The following NLRP9 variants were observed in gnomAD, a reference collection of about 807,000 sequenced individuals.
NLRP9 encodes the protein NLR family pyrin domain containing 9.
In NLRP9, 88 loss-of-function variants were observed where a neutral mutation model predicts 83.1. That is an observed-to-expected ratio of 1.06 (90% confidence interval 0.89 to 1.26). The LOEUF (loss-of-function observed/expected upper bound fraction) is 1.26. Ranked by LOEUF, NLRP9 falls within the 50% of genes most tolerant of loss-of-function variation. The pLI, the probability that NLRP9 is intolerant of heterozygous loss-of-function variation, is 0.00. For synonymous variants in NLRP9, 521 were observed against 447.6 expected (o/e 1.16, Z -2.07); for missense variants, 1,308 against 1,179.3 (o/e 1.11, Z -1.60).
In NLRP9 at chr19:55,711,782, G is replaced by T. The variant is rs766733209; in HGVS notation, c.2843+18C>A. The T allele has an allele frequency of 3.1e-6, 5 of 1,610,688 alleles. No individual in the cohort carries two copies. Among genetic ancestry groups the T allele is most frequent in the Non-Finnish European group, 4.2e-6 (5 of 1,178,120 alleles). Reference sequence around the variant, plus strand: ...CGTTCTGAAGTCACTCACCCCAAAGGAAACAGTGTCCACTCACCCCAGCAT... The same window carrying T: ...CGTTCTGAAGTCACTCACCCCAAAGTAAACAGTGTCCACTCACCCCAGCAT... On this transcript the variant is annotated intron_variant, in intron 8 of 8. Transcript: ENST00000332836.
At chr19:55,713,042 A>T (rs1393688706) in intron 6 of NLRP9, among the ~76,000 whole-genome samples, 1 of 148,398 alleles carries the variant, frequency 6.7e-6, no homozygotes, top group Non-Finnish European at 1.5e-5. Context: ...CTGCTCCAAC[A>T]CTTTGGGGTC....
At chr19:55,728,654 C>T (rs544626400) in intron 3 of NLRP9, among the ~76,000 whole-genome samples, 31 of 152,292 alleles carry the variant, frequency 2.0e-4, no homozygotes, top group African/African-American at 6.5e-4. Context: ...AGGCCTTTCT[C>T]GAGACAGCAG....
chr19:55,716,067 G>A (rs547647365), intron 5 of NLRP9, among the ~76,000 whole-genome samples: 1 of 152,024 alleles, frequency 6.6e-6, no homozygotes, highest in Admixed American at 6.6e-5. Context: ...AATACTTTTT[G>A]TTTTAAAAAT....
At chr19:55,716,970 A>C in intron 4 of NLRP9, 72 bp from the exon 5 acceptor site, 5 of 1,201,314 alleles carry the variant, frequency 4.2e-6, no homozygotes, top group Non-Finnish European at 2.4e-6. Context: ...CCACAGACCA[A>C]ACGACACCTC....
chr19:55,715,319 T>C, intron 5 of NLRP9, 94 bp from the exon 6 acceptor site: 1 of 1,048,748 alleles, frequency 9.5e-7, no homozygotes. Context: ...AAGCTTCCTA[T>C]GGTAATATTA....
At chr19:55,714,586 A>AT (rs34849666) in intron 6 of NLRP9, among the ~76,000 whole-genome samples, 14,532 of 147,952 alleles carry the variant, frequency 0.098, 860 homozygotes, top group Middle Eastern at 0.19. Context: ...CCTCATCTGG[A>AT]TTTTTTTTTT....
At chr19:55,728,304 C>T (rs184653148) in intron 3 of NLRP9, among the ~76,000 whole-genome samples, 13 of 152,228 alleles carry the variant, frequency 8.5e-5, no homozygotes, top group African/African-American at 2.4e-4. Flanking sequence ...AGGCCAGGTG[C>T]GGTGGCTCAC....
At chr19:55,737,816 T>C (rs1449609507) in intron 1 of NLRP9, among the ~76,000 whole-genome samples, 2 of 141,368 alleles carry the variant, frequency 1.4e-5, no homozygotes, top group Non-Finnish European at 3.0e-5. Context: ...ATGCAGACAC[T>C]AACTGGCCAC....
intron 1 of NLRP9, among the ~76,000 whole-genome samples, chr19:55,734,084 G>A (rs1364268948): frequency 6.6e-6 from 1 of 151,680 alleles, no homozygotes; most frequent in African/African-American, 2.4e-5. Flanking sequence ...CACTACGCAT[G>A]GTTAAGTTTT....
chr19:55,733,134 G>A lies in NLRP9; in HGVS notation c.697C>T (p.Leu233=). Residue 233 remains leucine, a synonymous_variant, in exon 2 of 9, where the codon CTG becomes TTG. Transcript: ENST00000332836. ...GCCTTAAGTTGTAAGTTAAACTTCA[G>A]TTGCTCAAAGCCATCCATGATGAAC... ...ILFIMDGFEQ[L]KFNLQLKADL... 2 of 1,614,156 alleles carry A rather than the reference G, an allele frequency of 1.2e-6. No individual in the cohort carries two copies. The highest frequency in any genetic ancestry group is 1.7e-6 in the Non-Finnish European group (2 of 1,180,032).
At chr19:55,728,938 A>T (rs1316885681) in intron 3 of NLRP9, among the ~76,000 whole-genome samples, 1 of 152,154 alleles carries the variant, frequency 6.6e-6, no homozygotes, top group Admixed American at 6.6e-5. Flanking sequence ...CATTATTTGT[A>T]TAAAAGTAAT....
intron 8 of NLRP9, among the ~76,000 whole-genome samples, chr19:55,710,032 A>G (rs778066906): frequency 1.3e-5 from 2 of 152,200 alleles, no homozygotes; most frequent in Non-Finnish European, 2.9e-5. Flanking sequence ...AATTTCGTAG[A>G]CATTTAGACA....
In NLRP9 at chr19:55,728,213, T is replaced by C. The variant is rs76505158; in HGVS notation, c.1994+1618A>G. Among the ~76,000 whole-genome samples, 18 of 152,276 alleles carry C rather than the reference T, an allele frequency of 1.2e-4. 1 individual carries two copies. The East Asian group carries it at 3.1e-3, about 26-fold the overall frequency. ...CATTCAGTATAAACCACAGTGCCGG[T>C]AGAATTTACGAACAGTGAACCATTC... On this transcript the variant is annotated intron_variant, in intron 3 of 8. Transcript: ENST00000332836.
Position 55,733,064 on chromosome 19 carries a change from A to G in NLRP9, c.767T>C (p.Ile256Thr). The G allele has an allele frequency of 2.5e-6, 4 of 1,614,010 alleles. No individual in the cohort carries two copies. Among genetic ancestry groups the G allele is most frequent in the Non-Finnish European group, 3.4e-6 (4 of 1,179,966 alleles). Residue 256 changes from isoleucine (I) to threonine (T), a missense_variant, in exon 2 of 9, where the codon ATC becomes ACC. Physicochemically the swap from Ile to Thr is moderately conservative, Grantham distance 89. Transcript: ENST00000332836. Reference protein sequence around the residue: ...DWRQRQPMPIILSSLLQKKML... With the variant: ...DWRQRQPMPITLSSLLQKKML... ...CTTTTTTTGCAACAAACTGCTCAGG[A>G]TAATTGGCATTGGCTGCCGCTGCCT...
At position 55,732,805 on chromosome 19, in the gene NLRP9, C is replaced by G. The variant is rs552033878; in HGVS notation, c.1026G>C (p.Leu342Phe). ...ILCHNPFTCW[L>F]VCTCVKQRLE... is the part of the protein sequence containing the mutation. The stretch of plus-strand genomic sequence containing the variant: ...GCCTCTGTTTCACACAAGTACAGAC[C>G]AACCAGCACGTAAAGGGATTATGGC... Residue 342 changes from leucine (L) to phenylalanine (F), a missense_variant, in exon 2 of 9, where the codon TTG becomes TTC. Physicochemically the swap from Leu to Phe is conservative, Grantham distance 22 (BLOSUM62 0). Transcript: ENST00000332836. 6.2e-7 allele frequency: 1 copy of G among 1,614,120 alleles called. No individual in the cohort carries two copies. Among genetic ancestry groups the G allele is most frequent in the South Asian group, 1.1e-5 (1 of 91,076 alleles).
At chr19:55,731,688 C>T (rs1252503500) in intron 2 of NLRP9, among the ~76,000 whole-genome samples, 1 of 146,964 alleles carries the variant, frequency 6.8e-6, no homozygotes, top group Non-Finnish European at 1.5e-5. Flanking sequence ...CGCGCCACTG[C>T]ACTCCAGCCT....
chr19:55,711,595 C>T, intron 8 of NLRP9: 1 of 903,674 alleles, frequency 1.1e-6, no homozygotes, highest in Non-Finnish European at 1.7e-6. Flanking sequence ...CTACTGGCAA[C>T]TCATGAGAAA....
chr19:55,723,670 G>C (rs1988301282), intron 4 of NLRP9, among the ~76,000 whole-genome samples: 1 of 146,874 alleles, frequency 6.8e-6, no homozygotes, highest in Non-Finnish European at 1.5e-5. Flanking sequence ...TGAGGTTGCA[G>C]TGAGTCAAGA....
rs765268448 is a variant in NLRP9 at position 55,708,963 on chromosome 19, T to A, written c.2925A>T (p.Ser975=). ...ATTCCTCGTCAATCCAAGGTCCATG[T>A]GAAATGGTCAGATGGGGAATTTTTT... ...VEEKIPHLTI[S]HGPWIDEEYK... The change falls in exon 9 of 9, where the codon TCA becomes TCT. Residue 975 remains serine (S), a synonymous_variant. Transcript: ENST00000332836. 10 of 1,590,368 alleles carry A rather than the reference T, an allele frequency of 6.3e-6. No homozygotes were observed. Among genetic ancestry groups the A allele is most frequent in the Non-Finnish European group, 8.5e-6 (10 of 1,171,284 alleles).
Sources: gnomAD v4.1 joint callset for allele counts (sites outside exome capture counted in the v4.1 genomes callset) on GRCh38, gnomAD v4.1.1 for gene constraint, MANE v1.5 for transcripts, NCBI Gene and HGNC (gene_info 2026-07-23, HGNC 2026-07-21) for gene names.